Variants in FA2H observed in about 807,000 individuals in gnomAD.
FA2H encodes the protein fatty acid 2-hydroxylase.
A neutral mutation model predicts 44.9 loss-of-function variants in FA2H; 22 were observed. The observed-to-expected ratio is 0.49, with a 90% CI of 0.35 to 0.70. FA2H has a LOEUF of 0.70. Among genes scored for constraint, FA2H ranks in the 30% least tolerant of loss-of-function variants. The pLI is 0.01. For synonymous variants in FA2H, 243 were observed against 213.2 expected (o/e 1.14, Z -1.22); for missense variants, 501 against 504.9 (o/e 0.99, Z 0.07).
At chr16:74,739,667 C>T (rs1962253171) in intron 2 of FA2H, among the ~76,000 whole-genome samples, 1 of 152,218 alleles carries the variant, frequency 6.6e-6, no homozygotes, top group African/African-American at 2.4e-5. Context: ...GCAGCTCTAC[C>T]TTGTGCCCTG....
At chr16:74,765,718 T>C (rs1463183771) in intron 1 of FA2H, among the ~76,000 whole-genome samples, 2 of 151,926 alleles carry the variant, frequency 1.3e-5, no homozygotes, top group Non-Finnish European at 2.9e-5. Context: ...CGCCTGGCTA[T>C]GTTGGAAAAT....
intron 2 of FA2H, among the ~76,000 whole-genome samples, chr16:74,728,721 A>G (rs1962006981): frequency 6.8e-6 from 1 of 147,864 alleles, no homozygotes; most frequent in Admixed American, 6.8e-5. Context: ...AATATTAACG[A>G]CCCTATTTCT....
chr16:74,719,077 T>G lies in FA2H; in HGVS notation c.697A>C (p.Ile233Leu). Residue 233 changes from isoleucine to leucine, a missense_variant, in exon 5 of 7, where the codon ATC becomes CTC. Ile to Leu is a conservative substitution (Grantham distance 5). Transcript: ENST00000219368. Reference protein sequence around the residue: ...TFLWSLIEYLIHRFLFHMKPP... With the variant: ...TFLWSLIEYLLHRFLFHMKPP... ...TTCATGTGGAACAGGAAGCGGTGGA[T>G]GAGGTACTCGATGAGGCTCCAGAGG... 6.2e-7 allele frequency: 1 copy of G among 1,614,012 alleles called. No individual in the cohort carries two copies. The highest frequency in any genetic ancestry group is 8.5e-7 in the Non-Finnish European group (1 of 1,180,024).
chr16:74,738,306 G>T (rs1040580000), intron 2 of FA2H, among the ~76,000 whole-genome samples: 1 of 152,138 alleles, frequency 6.6e-6, no homozygotes, highest in East Asian at 1.9e-4. Context: ...GGGGGAGGAG[G>T]GGCCCCTCGT....
intron 1 of FA2H, among the ~76,000 whole-genome samples, chr16:74,770,228 G>T (rs1962881186): frequency 1.3e-5 from 2 of 152,250 alleles, no homozygotes; most frequent in Admixed American, 1.3e-4. Context: ...TGGTCCAGCA[G>T]GAGAGGAGGG....
intron 5 of FA2H, chr16:74,716,883 C>T (rs1310441820): frequency 2.6e-5 from 12 of 467,728 alleles, no homozygotes; most frequent in Non-Finnish European, 4.7e-5. Flanking sequence ...GGTGTGCTGG[C>T]GGCTCAGAGC....
intron 1 of FA2H, among the ~76,000 whole-genome samples, chr16:74,744,233 G>A (rs997150389): frequency 3.3e-5 from 5 of 152,196 alleles, no homozygotes; most frequent in Non-Finnish European, 7.3e-5. Context: ...TCAGGAGTGT[G>A]TAGAGGTCAT....
chr16:74,757,127 T>C (rs1158287777), intron 1 of FA2H, among the ~76,000 whole-genome samples: 1 of 151,706 alleles, frequency 6.6e-6, no homozygotes, highest in Non-Finnish European at 1.5e-5. Flanking sequence ...GCTAATACCC[T>C]TTACCTCTAA....
rs144592246 is a variant in FA2H at position 74,762,388 on chromosome 16, C to T, written c.270+12098G>A. ...ACCACACATGTGCACAAAACCAACA[C>T]GACTTGACTCATTATTTGCTCAACT... On this transcript the variant is annotated intron_variant, in intron 1 of 6. Coordinates refer to ENST00000219368, the MANE Select transcript of FA2H (RefSeq NM_024306.5). 4.0e-4 allele frequency among the ~76,000 whole-genome samples: 61 copies of T among 152,244 alleles called. No individual in the cohort carries two copies. In the East Asian group the frequency reaches 0.011, roughly 27 times the overall value.
chr16:74,737,532 T>C (rs1196742050), intron 2 of FA2H, among the ~76,000 whole-genome samples: 1 of 152,190 alleles, frequency 6.6e-6, no homozygotes, highest in Non-Finnish European at 1.5e-5. Context: ...AACTCTGCCC[T>C]GGCTCCCCTG....
chr16:74,728,197 G>C (rs1353149064), intron 2 of FA2H, among the ~76,000 whole-genome samples: 2 of 152,198 alleles, frequency 1.3e-5, no homozygotes, highest in Admixed American at 1.3e-4. Context: ...GCTGAGGCAG[G>C]ATAACTGCTT....
chr16:74,747,347 A>AT (rs1962444234), intron 1 of FA2H, among the ~76,000 whole-genome samples: 1 of 151,844 alleles, frequency 6.6e-6, no homozygotes, highest in South Asian at 2.1e-4. Context: ...AGAAAGAAAG[A>AT]AAGAAAGAAA....
At chr16:74,722,834 C>T (rs1037168749) in intron 4 of FA2H, among the ~76,000 whole-genome samples, 7 of 150,220 alleles carry the variant, frequency 4.7e-5, no homozygotes, top group Non-Finnish European at 1.0e-4. Context: ...TCGCTTGAAC[C>T]CGAGAGGCAG....
At chr16:74,756,617 G>A (rs892091407) in intron 1 of FA2H, among the ~76,000 whole-genome samples, 2 of 152,002 alleles carry the variant, frequency 1.3e-5, no homozygotes, top group Admixed American at 6.6e-5. Context: ...GAGGAAAAAC[G>A]CAAATGGCTA....
At chr16:74,741,808 A>ATATATATATATATGTGTG (rs1491185782) in intron 1 of FA2H, among the ~76,000 whole-genome samples, 70 of 48,344 alleles carry the variant, frequency 1.4e-3, no homozygotes, top group African/African-American at 1.8e-3. Context: ...ATATATATAT[A>ATATATATATATATGTGTG]TGTGTGTGTG....
At chr16:74,771,365 A>G (rs1016238697) in intron 1 of FA2H, among the ~76,000 whole-genome samples, 10 of 151,738 alleles carry the variant, frequency 6.6e-5, no homozygotes, top group African/African-American at 2.2e-4. Context: ...TAATTTTTGT[A>G]TTTTTAGCAG....
chr16:74,769,690 T>G (rs1962870211), intron 1 of FA2H, among the ~76,000 whole-genome samples: 1 of 152,180 alleles, frequency 6.6e-6, no homozygotes, highest in East Asian at 1.9e-4. Context: ...AGTCCTTTCC[T>G]TGTCTATTTC....
intron 1 of FA2H, among the ~76,000 whole-genome samples, chr16:74,765,007 A>G (rs1383883576): frequency 6.6e-6 from 1 of 152,182 alleles, no homozygotes; most frequent in Non-Finnish European, 1.5e-5. Context: ...GGTAGACTGT[A>G]AGAGCCTGCT....
intron 1 of FA2H, among the ~76,000 whole-genome samples, chr16:74,742,736 G>A (rs1962339193): frequency 6.6e-6 from 1 of 152,184 alleles, no homozygotes; most frequent in Admixed American, 6.5e-5. Context: ...TACTCAGGAG[G>A]CTGAGGGAGG....
Sources: allele counts gnomAD v4.1 joint callset (sites outside exome capture counted in the v4.1 genomes callset), GRCh38; gene constraint gnomAD v4.1.1; transcripts MANE v1.5; gene names NCBI Gene and HGNC (gene_info 2026-07-23, HGNC 2026-07-21).